CRB1: variants seen among roughly 807,000 people sequenced by gnomAD.
CRB1 encodes crumbs cell polarity complex component 1, also known as protein crumbs homolog 1.
CRB1 carries 83 observed loss-of-function variants against 120.0 expected under a neutral mutation model. The observed-to-expected ratio is 0.69, with a 90% confidence interval of 0.58 to 0.83. The LOEUF is 0.83. CRB1 is among the 40% of genes least tolerant of loss of function. CRB1 has a pLI of 0.00. For missense variants in CRB1, 1,699 were observed against 1,687.6 expected (o/e 1.01, Z -0.12); for synonymous variants, 625 against 612.5 (o/e 1.02, Z -0.30).
At chr1:197,394,109 G>A (rs577563679) in intron 5 of CRB1, among the ~76,000 whole-genome samples, 2 of 152,130 alleles carry the variant, frequency 1.3e-5, no homozygotes, top group South Asian at 4.1e-4. Flanking sequence ...GCCCAACTAT[G>A]TGCAGATTTT....
At chr1:197,398,888 ATGATTGTGTGTGTG>A (rs1662910998) in intron 5 of CRB1, among the ~76,000 whole-genome samples, 3 of 117,054 alleles carry the variant, frequency 2.6e-5, no homozygotes, top group African/African-American at 9.6e-5. Context: ...GGGTCAGGAA[ATGATTGTGTGTGTG>A]TGTGTGTGTG....
At chr1:197,382,956 C>CCAAA (rs1181997360) in intron 5 of CRB1, among the ~76,000 whole-genome samples, 1 of 152,150 alleles carries the variant, frequency 6.6e-6, no homozygotes, top group Non-Finnish European at 1.5e-5. Context: ...ATCATCCATT[C>CCAAA]TGCAGGAACT....
chr1:197,391,363 T>C (rs1421422703), intron 5 of CRB1, among the ~76,000 whole-genome samples: 1 of 152,158 alleles, frequency 6.6e-6, no homozygotes, highest in Non-Finnish European at 1.5e-5. Context: ...AAAGAGTCTA[T>C]AGCTAGACAG....
chr1:197,384,944 TAG>T (rs1662137807), intron 5 of CRB1, among the ~76,000 whole-genome samples: 1 of 152,128 alleles, frequency 6.6e-6, no homozygotes. Flanking sequence ...TCATTAAAGG[TAG>T]AGAGACTTTT....
the CRB1 span, among the ~76,000 whole-genome samples, chr1:197,206,740 CT>C: frequency 6.6e-6 from 1 of 152,084 alleles, no homozygotes; most frequent in Non-Finnish European, 1.5e-5. Flanking sequence ...CTGTAAATAT[CT>C]TTTAAGTCCA....
intron 5 of CRB1, among the ~76,000 whole-genome samples, chr1:197,400,204 A>G (rs1038073822): frequency 7.9e-5 from 12 of 152,158 alleles, no homozygotes; most frequent in African/African-American, 2.9e-4. Flanking sequence ...TCATCCATCA[A>G]TCAATTGTTC....
intron 1 of CRB1, among the ~76,000 whole-genome samples, chr1:197,277,000 A>T (rs1272480008): frequency 6.6e-6 from 1 of 151,982 alleles, no homozygotes; most frequent in African/African-American, 2.4e-5. Flanking sequence ...AGGAATTTAA[A>T]AGGCCAGTTA....
At chr1:197,226,394 T>C in the CRB1 span, among the ~76,000 whole-genome samples, 1 of 152,198 alleles carries the variant, frequency 6.6e-6, no homozygotes, top group Admixed American at 6.5e-5. Flanking sequence ...TGTGTAGTAG[T>C]GATTAGTGAT....
At chr1:197,357,144 C>A in intron 5 of CRB1, 131 bp downstream of exon 5, 1 of 879,218 alleles carries the variant, frequency 1.1e-6, no homozygotes. Context: ...AAAGGGTCCC[C>A]CTTGTGGGCA....
chr1:197,273,037 C>T (rs1654995193), intron 1 of CRB1, among the ~76,000 whole-genome samples: 1 of 150,794 alleles, frequency 6.6e-6, no homozygotes, highest in Admixed American at 6.6e-5. Context: ...AGTTTATGTA[C>T]ATTTCCTTAG....
At chr1:197,313,121 C>T (rs1448827101) in intron 1 of CRB1, among the ~76,000 whole-genome samples, 3 of 152,152 alleles carry the variant, frequency 2.0e-5, no homozygotes, top group Non-Finnish European at 2.9e-5. Context: ...ACTTTCTTCA[C>T]GTGGCAGCAG....
At chr1:197,374,105 C>T (rs1386903946) in intron 5 of CRB1, among the ~76,000 whole-genome samples, 1 of 152,110 alleles carries the variant, frequency 6.6e-6, no homozygotes, top group Non-Finnish European at 1.5e-5. Flanking sequence ...AGATTAGAAA[C>T]ATATAGTCCT....
intron 11 of CRB1, among the ~76,000 whole-genome samples, chr1:197,451,737 T>C (rs989452107): frequency 1.3e-5 from 2 of 152,192 alleles, no homozygotes; most frequent in African/African-American, 2.4e-5. Context: ...AGCCAGACAA[T>C]AGCAAGAGAG....
the CRB1 span, among the ~76,000 whole-genome samples, chr1:197,202,121 T>G: frequency 6.6e-6 from 1 of 152,056 alleles, no homozygotes; most frequent in Non-Finnish European, 1.5e-5. Flanking sequence ...CAAAATAGGA[T>G]GGGTGGCCTA....
At chr1:197,442,055 G>A in intron 10 of CRB1, 111 bp from the exon 11 acceptor site, 1 of 1,193,234 alleles carries the variant, frequency 8.4e-7, no homozygotes, top group Non-Finnish European at 1.2e-6. Flanking sequence ...TGTGTGGATG[G>A]GTAGATAAGA....
intron 5 of CRB1, among the ~76,000 whole-genome samples, chr1:197,389,009 C>T (rs982151176): frequency 1.3e-5 from 2 of 152,044 alleles, no homozygotes; most frequent in African/African-American, 2.4e-5. Context: ...AGTGAGATAC[C>T]GCTTCATTCC....
chr1:197,414,969 T>C (rs1447866971), intron 5 of CRB1, among the ~76,000 whole-genome samples: 1 of 152,232 alleles, frequency 6.6e-6, no homozygotes, highest in African/African-American at 2.4e-5. Flanking sequence ...CTTCGGACTA[T>C]TGATCTTAAT....
rs370353322 is a variant in CRB1, at chr1:197,428,016, T to C, written c.2676+15T>C. ...ACAGCTGCAAGGTAATGATTACTCA[T>C]ACAAACTAGGTATATACTGTATGCT... On this transcript the variant is annotated intron_variant, in intron 7 of 11. Coordinates refer to ENST00000367400, the MANE Select transcript of CRB1 (RefSeq NM_201253.3). 30 of 1,609,648 alleles carry C rather than the reference T, an allele frequency of 1.9e-5. No individual in the cohort carries two copies. The African/African-American group carries it at 3.6e-4, about 19-fold the overall frequency.
chr1:197,290,467 C>A (rs1656108070), intron 1 of CRB1, among the ~76,000 whole-genome samples: 1 of 151,604 alleles, frequency 6.6e-6, no homozygotes. Context: ...TTTTTTAGGC[C>A]TTCTTTTTCC....
Sources: gnomAD v4.1 joint callset for allele counts (sites outside exome capture counted in the v4.1 genomes callset) on GRCh38, gnomAD v4.1.1 for gene constraint, MANE v1.5 for transcripts, NCBI Gene and HGNC (gene_info 2026-07-23, HGNC 2026-07-21) for gene names.